GPR139: variants seen among roughly 807,000 people sequenced by gnomAD.
GPR139 encodes probable G protein-coupled receptor 139.
GPR139 carries 12 observed loss-of-function variants against 25.8 expected under a neutral mutation model. The ratio of observed to expected loss-of-function variants is 0.47; its 90% confidence interval spans 0.30 to 0.75. The LOEUF is 0.75. Among genes scored for constraint, GPR139 ranks in the 30% least tolerant of loss-of-function variants. GPR139 has a pLI of 0.07. For synonymous variants in GPR139, 184 were observed against 179.9 expected (o/e 1.02, Z -0.18); for missense variants, 380 against 450.2 (o/e 0.84, Z 1.41).
At chr16:20,044,411 A>C (rs1051863508) in intron 1 of GPR139, among the ~76,000 whole-genome samples, 2 of 152,194 alleles carry the variant, frequency 1.3e-5, no homozygotes, top group East Asian at 3.8e-4. Context: ...CCTTCTTAAG[A>C]CCTCAGTTTC....
intron 1 of GPR139, among the ~76,000 whole-genome samples, chr16:20,043,343 CTG>C (rs929139031): frequency 9.2e-5 from 14 of 152,224 alleles, no homozygotes; most frequent in Non-Finnish European, 1.8e-4. Context: ...GGTTTCCAAA[CTG>C]TATATCTCAG....
At chr16:20,043,098 G>A (rs2057342255) in intron 1 of GPR139, among the ~76,000 whole-genome samples, 1 of 152,230 alleles carries the variant, frequency 6.6e-6, no homozygotes, top group Non-Finnish European at 1.5e-5. Flanking sequence ...TTGCTGATGA[G>A]TAGGCAGCAA....
Position 20,029,893 on chromosome 16 carries a change from C to T in GPR139, c.*1842G>A, listed in dbSNP as rs1468080993. The stretch of plus-strand genomic sequence containing the variant: ...GTTCCAATGCTAGAGAAAAACTTAG[C>T]TGTGTTAGGTTTTGAAAGCAATGGA... On this transcript the variant is annotated 3_prime_UTR_variant, in exon 2 of 2. Transcript: ENST00000570682. Among the ~76,000 whole-genome samples, 2 of 152,164 alleles carry T rather than the reference C, an allele frequency of 1.3e-5. No homozygotes were observed. The highest frequency in any genetic ancestry group is 3.9e-4 in the East Asian group (2 of 5,188).
rs895468316 is a variant in GPR139 at position 20,032,320 on chromosome 16, G to A, written c.477C>T (p.Thr159=). Residue 159 remains threonine, a synonymous_variant, in exon 2 of 2, where the codon ACC becomes ACT. Coordinates refer to ENST00000570682, the MANE Select transcript of GPR139 (RefSeq NM_001002911.4). ...TGGGCCACCAGTAATAGGGGATGCTGGTCAGGAAGCAGGTGATGTAAACAC... is the reference window on the plus strand; with the variant it reads ...TGGGCCACCAGTAATAGGGGATGCTAGTCAGGAAGCAGGTGATGTAAACAC... The part of the protein sequence containing the change: ...IVSVYITCFL[T]SIPYYWWPNI... 18 of 1,614,196 alleles carry A rather than the reference G, an allele frequency of 1.1e-5. No individual in the cohort carries two copies. Among genetic ancestry groups the A allele is most frequent in the Non-Finnish European group, 1.5e-5 (18 of 1,180,022 alleles).
rs2057281830 is a variant in GPR139, at chr16:20,030,045, C to G, written c.*1690G>C. On this transcript the variant is annotated 3_prime_UTR_variant, in exon 2 of 2. Transcript: ENST00000570682. ...GCTCTGATGAGATTCTATTGCGATCCTTTAAAAGGGGTAAGAATTAGGATC... is the reference window on the plus strand; with the variant it reads ...GCTCTGATGAGATTCTATTGCGATCGTTTAAAAGGGGTAAGAATTAGGATC... 6.6e-6 allele frequency among the ~76,000 whole-genome samples: 1 copy of G among 152,146 alleles called. No individual in the cohort carries two copies. The highest frequency in any genetic ancestry group is 1.5e-5 in the Non-Finnish European group (1 of 68,038).
intron 1 of GPR139, among the ~76,000 whole-genome samples, chr16:20,054,398 T>C (rs2057382139): frequency 7.7e-6 from 1 of 130,442 alleles, no homozygotes; most frequent in Admixed American, 8.0e-5. Context: ...GGAGAAGGCA[T>C]AATTGTTCTT....
rs1010962460 is a variant in GPR139 at position 20,029,809 on chromosome 16, A to G, written c.*1926T>C. ...TTCTCAGATACATTAGAATCACACA[A>G]TATGGTCCCTAAATGAGAGCCAATT... On this transcript the variant is annotated 3_prime_UTR_variant, in exon 2 of 2. Coordinates refer to ENST00000570682, the MANE Select transcript of GPR139 (RefSeq NM_001002911.4). Among the ~76,000 whole-genome samples, 2 of 152,216 alleles carry G rather than the reference A, an allele frequency of 1.3e-5. No homozygotes were observed. The highest frequency in any genetic ancestry group is 1.5e-5 in the Non-Finnish European group (1 of 68,042).
intron 1 of GPR139, among the ~76,000 whole-genome samples, chr16:20,039,552 A>G (rs1248817735): frequency 2.6e-5 from 4 of 152,330 alleles, no homozygotes; most frequent in East Asian, 1.9e-4. Context: ...CACTGTGCTC[A>G]GGGCACTTCT....
chr16:20,032,018 CG>C lies in GPR139; in HGVS notation c.778del (p.Arg260AlafsTer14). 1 of 1,614,120 alleles carries C rather than the reference CG, an allele frequency of 6.2e-7. No individual in the cohort carries two copies. ...YHLYGAPIQN[R>X]WLVHIMSDIA... ...GTCGGACATGATGTGTACCAGCCAG[CG>C]GTTCTGGATGGGCGCCCCATAGAGG... On this transcript the variant is annotated frameshift_variant, in exon 2 of 2. Transcript: ENST00000570682. LOFTEE classifies it high-confidence loss of function.
chr16:20,048,499 C>T (rs901975231), intron 1 of GPR139, among the ~76,000 whole-genome samples: 6 of 152,168 alleles, frequency 3.9e-5, no homozygotes, highest in South Asian at 2.1e-4. Context: ...AATGGCACCG[C>T]GTTAGATTTT....
chr16:20,050,982 G>A (rs1412148148), intron 1 of GPR139, among the ~76,000 whole-genome samples: 1 of 145,926 alleles, frequency 6.9e-6, no homozygotes, highest in Non-Finnish European at 1.5e-5. Flanking sequence ...TGTATTGTTT[G>A]AGCCCAAGAG....
chr16:20,063,735 C>T (rs1022430893), intron 1 of GPR139, among the ~76,000 whole-genome samples: 1 of 152,196 alleles, frequency 6.6e-6, no homozygotes, highest in Non-Finnish European at 1.5e-5. Context: ...TTTTCCTTTA[C>T]TCCTTTTGCT....
chr16:20,039,996 G>C (rs1327152372), intron 1 of GPR139, among the ~76,000 whole-genome samples: 1 of 152,126 alleles, frequency 6.6e-6, no homozygotes, highest in African/African-American at 2.4e-5. Flanking sequence ...CATGCTCTTG[G>C]TATGCTCCTT....
rs984158870 is a variant in GPR139 at position 20,028,445 on chromosome 16, C to T, written c.*3290G>A. On this transcript the variant is annotated 3_prime_UTR_variant, in exon 2 of 2. Transcript: ENST00000570682. The stretch of plus-strand genomic sequence containing the variant: ...GAATTTATTATAATACAAACAAGTC[C>T]AAACACAATATATAATCTAATTAAG... Among the ~76,000 whole-genome samples the T allele has an allele frequency of 6.6e-6, 1 of 152,056 alleles. No homozygotes were observed. Among genetic ancestry groups the T allele is most frequent in the Non-Finnish European group, 1.5e-5 (1 of 67,990 alleles).
intron 1 of GPR139, among the ~76,000 whole-genome samples, chr16:20,046,375 T>A (rs2141206709): frequency 6.6e-6 from 1 of 152,356 alleles, no homozygotes; most frequent in South Asian, 2.1e-4. Flanking sequence ...CCATTCTGAC[T>A]CAGTAGAATT....
In GPR139 at chr16:20,032,667, T is replaced by A. The variant is rs1449456374; in HGVS notation, c.130A>T (p.Asn44Tyr). ...SLLLCLGLPA[N>Y]ILTVIILSQL... is the part of the protein sequence containing the mutation. ...GAGAGGATGATCACTGTCAAGATAT[T>A]TGCTGTGGAGAGAAGAAAAACTGGT... The change falls in exon 2 of 2, where the codon AAT (asparagine) becomes TAT (tyrosine). Residue 44 changes from asparagine to tyrosine, a missense_variant and splice_region_variant. Coordinates refer to ENST00000570682, the MANE Select transcript of GPR139 (RefSeq NM_001002911.4). The A allele has an allele frequency of 6.2e-7, 1 of 1,600,056 alleles. No homozygotes were observed. The highest frequency in any genetic ancestry group is 8.6e-7 in the Non-Finnish European group (1 of 1,168,868).
chr16:20,046,695 G>T (rs1392748062), intron 1 of GPR139, among the ~76,000 whole-genome samples: 1 of 152,182 alleles, frequency 6.6e-6, no homozygotes, highest in Non-Finnish European at 1.5e-5. Context: ...TGCAGGGGGA[G>T]ATTGAGGAGA....
chr16:20,037,507 A>T (rs1051486663), intron 1 of GPR139, among the ~76,000 whole-genome samples: 1 of 151,908 alleles, frequency 6.6e-6, no homozygotes, highest in East Asian at 1.9e-4. Context: ...ATCTGTCGCA[A>T]GTATTTGTGG....
At chr16:20,059,902 G>A (rs749774469) in intron 1 of GPR139, among the ~76,000 whole-genome samples, 13 of 152,128 alleles carry the variant, frequency 8.5e-5, no homozygotes, top group African/African-American at 3.1e-4. Flanking sequence ...CCTCCATGAC[G>A]TCCTCTGCCG....
Sources: gnomAD v4.1 joint callset for allele counts (sites outside exome capture counted in the v4.1 genomes callset) on GRCh38, gnomAD v4.1.1 for gene constraint, MANE v1.5 for transcripts, NCBI Gene and HGNC (gene_info 2026-07-23, HGNC 2026-07-21) for gene names.